The following RNF115 variants were observed in gnomAD, a reference collection of about 807,000 sequenced individuals.
RNF115 encodes the protein E3 ubiquitin-protein ligase RNF115.
Under a neutral mutation model 39.2 loss-of-function variants are expected in RNF115, and 31 were observed. The ratio of observed to expected loss-of-function variants is 0.79; its 90% CI spans 0.59 to 1.07. The LOEUF (loss-of-function observed/expected upper bound fraction) is 1.07, where lower values mean the gene tolerates loss of function less well. Among genes scored for constraint, RNF115 ranks in the 50% least tolerant of loss-of-function variants. The pLI is 0.00. For missense variants in RNF115, 384 were observed against 381.7 expected (o/e 1.01, Z -0.05); for synonymous variants, 124 against 131.0 (o/e 0.95, Z 0.37).
rs1553710638 is a variant in RNF115, at chr1:145,739,018, A to T, written c.*7848T>A. ...CAGACAGACCTCAACATTCAACAAC[A>T]TCCATACAGCACTGCTGGAGGAAGA... is the stretch of plus-strand genomic sequence containing the variant. On this transcript the variant is annotated 3_prime_UTR_variant, in exon 9 of 9. Coordinates refer to ENST00000582693, the MANE Select transcript of RNF115 (RefSeq NM_014455.4). 1 of 153,860 alleles carries T rather than the reference A, an allele frequency of 6.5e-6. No individual in the cohort carries two copies. The highest frequency in any genetic ancestry group is 2.4e-5 in the African/African-American group (1 of 41,722). The allele number at this position is 153,860 out of a possible 1,614,324, so 9.5% of individuals were successfully genotyped here.
intron 3 of RNF115, among the ~76,000 whole-genome samples, chr1:145,781,091 T>C (rs1217344251): frequency 1.3e-5 from 2 of 152,186 alleles, no homozygotes; most frequent in African/African-American, 4.8e-5. Context: ...CCCATGTAAC[T>C]GGCAACCCTC....
rs587662976 is a variant in RNF115 at position 145,743,216 on chromosome 1, C to T, written c.*3650G>A. 6.6e-6 allele frequency: 1 copy of T among 152,330 alleles called. No individual in the cohort carries two copies. Among genetic ancestry groups the T allele is most frequent in the Admixed American group, 6.5e-5 (1 of 15,290 alleles). 9.4% of individuals were successfully genotyped at this position (152,330 alleles called of 1,614,324 possible). ...ATTTCAGTCAGTAGACTGAATACAG[C>T]ACATGGCCCTCCCTAATGTAAGTGG... On this transcript the variant is annotated 3_prime_UTR_variant, in exon 9 of 9. Transcript: ENST00000582693.
In RNF115 at chr1:145,746,042, C is replaced by G. The variant is rs369566633; in HGVS notation, c.*824G>C. The G allele has an allele frequency of 1.1e-4, 17 of 151,562 alleles. No homozygotes were observed. The highest frequency in any genetic ancestry group is 4.1e-4 in the African/African-American group (17 of 41,362). The allele number at this position is 151,562 out of a possible 1,614,324, so 9.4% of individuals were successfully genotyped here. A position where few individuals can be genotyped will look rare whatever the true frequency, so the allele number is the denominator to read the frequency against. On this transcript the variant is annotated 3_prime_UTR_variant, in exon 9 of 9. Transcript: ENST00000582693. ...GAGATTGAGACCATCCTGGCTAACA[C>G]GGTGAAACCCCATCTCTACTAAATA... is the stretch of plus-strand genomic sequence containing the variant.
intron 5 of RNF115, 126 bp downstream of exon 5, chr1:145,752,852 G>C: frequency 3.1e-6 from 2 of 638,826 alleles, no homozygotes; most frequent in South Asian, 3.5e-5. Flanking sequence ...CTCCCAAAGT[G>C]CTGGGATTAG....
chr1:145,789,853 G>A (rs1648580306), intron 1 of RNF115, among the ~76,000 whole-genome samples: 1 of 151,312 alleles, frequency 6.6e-6, no homozygotes, highest in Admixed American at 6.6e-5. Flanking sequence ...GGGATTACAA[G>A]CCCCTGGCTA....
rs938174179 is a variant in RNF115 at position 145,824,041 on chromosome 1, A to C, written c.-168T>G. On this transcript the variant is annotated 5_prime_UTR_variant, in exon 1 of 9. Coordinates refer to ENST00000582693, the MANE Select transcript of RNF115 (RefSeq NM_014455.4). ...CCAGGCCCAGAAACGCGGCGGCGCCAACAGCTACCCTGCGGCCCGCCTCCC... is the reference window on the plus strand; with the variant it reads ...CCAGGCCCAGAAACGCGGCGGCGCCCACAGCTACCCTGCGGCCCGCCTCCC... 1.2e-5 allele frequency: 6 copies of C among 502,784 alleles called. No homozygotes were observed. The highest frequency in any genetic ancestry group is 2.0e-5 in the Non-Finnish European group (6 of 292,882). 31.1% of individuals were successfully genotyped at this position (502,784 alleles called of 1,614,324 possible).
intron 1 of RNF115, among the ~76,000 whole-genome samples, chr1:145,792,970 A>G (rs1648746988): frequency 6.6e-6 from 1 of 151,978 alleles, no homozygotes; most frequent in African/African-American, 2.4e-5. Flanking sequence ...GTCCTCCTCT[A>G]CTCCTTCATC....
intron 3 of RNF115, among the ~76,000 whole-genome samples, chr1:145,776,767 C>A (rs1647908777): frequency 6.6e-6 from 1 of 152,066 alleles, no homozygotes; most frequent in African/African-American, 2.4e-5. Context: ...ACCCGGGAGG[C>A]AGAGGTTGCA....
intron 4 of RNF115, among the ~76,000 whole-genome samples, chr1:145,763,949 T>C (rs1303061731): frequency 3.0e-5 from 4 of 135,360 alleles, no homozygotes; most frequent in African/African-American, 1.1e-4. Context: ...TGCCATGGTC[T>C]CCCTCTGATG....
At chr1:145,765,613 A>C (rs1459387887) in intron 4 of RNF115, among the ~76,000 whole-genome samples, 4 of 149,424 alleles carry the variant, frequency 2.7e-5, no homozygotes, top group Non-Finnish European at 4.4e-5. Flanking sequence ...GCTAACAAAC[A>C]AATGAGTTTT....
chr1:145,795,611 C>G (rs988835730), intron 1 of RNF115, among the ~76,000 whole-genome samples: 2 of 152,138 alleles, frequency 1.3e-5, no homozygotes, highest in African/African-American at 2.4e-5. Flanking sequence ...TCCAGAAGCT[C>G]AGCGGGCTTC....
At chr1:145,749,919 C>T (rs1166049940) in intron 7 of RNF115, among the ~76,000 whole-genome samples, 1 of 152,180 alleles carries the variant, frequency 6.6e-6, no homozygotes, top group African/African-American at 2.4e-5. Flanking sequence ...TCACTAAATT[C>T]CTCCAGTGCT....
At chr1:145,815,099 C>A (rs1353586493) in intron 1 of RNF115, among the ~76,000 whole-genome samples, 3 of 152,286 alleles carry the variant, frequency 2.0e-5, no homozygotes, top group African/African-American at 7.2e-5. Context: ...TTTAAGAAAT[C>A]TGCTTTTTAG....
intron 3 of RNF115, among the ~76,000 whole-genome samples, chr1:145,782,034 C>G (rs901893551): frequency 6.6e-6 from 1 of 151,634 alleles, no homozygotes; most frequent in Non-Finnish European, 1.5e-5. Context: ...TCCCAAGTAG[C>G]TGGAATTACA....
Position 145,738,977 on chromosome 1 carries a change from T to A in RNF115, c.*7889A>T. Reference sequence around the variant, plus strand: ...GCCAGATCCAGTGATTGACTTGGCATGAAAATGAGAAAATGCAGACAGACC... The same window carrying A: ...GCCAGATCCAGTGATTGACTTGGCAAGAAAATGAGAAAATGCAGACAGACC... On this transcript the variant is annotated 3_prime_UTR_variant, in exon 9 of 9. Transcript: ENST00000582693. The A allele has an allele frequency of 6.5e-6, 1 of 154,362 alleles. No individual in the cohort carries two copies. Among genetic ancestry groups the A allele is most frequent in the South Asian group, 2.0e-4 (1 of 4,968 alleles). 9.6% of individuals were successfully genotyped at this position (154,362 alleles called of 1,614,324 possible).
At chr1:145,772,013 G>T in intron 3 of RNF115, 94 bp from the exon 4 acceptor site, 1 of 970,272 alleles carries the variant, frequency 1.0e-6, no homozygotes, top group Non-Finnish European at 1.6e-6. Flanking sequence ...TGGCCACTGT[G>T]AATATTACTG....
In RNF115 at chr1:145,742,602, C is replaced by T. The variant is rs1657722310; in HGVS notation, c.*4264G>A. On this transcript the variant is annotated 3_prime_UTR_variant, in exon 9 of 9. Transcript: ENST00000582693. ...TGAGGCTCCAGCTCTCTTCTGTATC[C>T]CTGCTCACTTTACCTCAGTGCACAC... 6.6e-6 allele frequency: 1 copy of T among 152,130 alleles called. No homozygotes were observed. The highest frequency in any genetic ancestry group is 2.1e-4 in the South Asian group (1 of 4,814). 9.4% of individuals were successfully genotyped at this position (152,130 alleles called of 1,614,324 possible).
chr1:145,753,485 A>C (rs1444316691), intron 4 of RNF115, among the ~76,000 whole-genome samples: 1 of 152,194 alleles, frequency 6.6e-6, no homozygotes, highest in Admixed American at 6.5e-5. Context: ...CCTTTAAAAA[A>C]AAGTTTAAGC....
intron 3 of RNF115, chr1:145,773,223 GTTCAT>G (rs1647724149): frequency 6.6e-6 from 1 of 151,980 alleles, no homozygotes; most frequent in African/African-American, 2.4e-5. Flanking sequence ...GGTAGTTTCT[GTTCAT>G]TTCTTTTTTC....
Sources: gnomAD v4.1 joint callset for allele counts (sites outside exome capture counted in the v4.1 genomes callset) on GRCh38, gnomAD v4.1.1 for gene constraint, MANE v1.5 for transcripts, NCBI Gene and HGNC (gene_info 2026-07-23, HGNC 2026-07-21) for gene names.